The following JAZF1 variants were observed in gnomAD, a reference collection of about 807,000 sequenced individuals.
The protein encoded by JAZF1 is juxtaposed with another zinc finger protein 1.
JAZF1 carries 8 observed loss-of-function variants against 26.4 expected under a neutral mutation model. The ratio of observed to expected loss-of-function variants is 0.30; its 90% confidence interval spans 0.18 to 0.55. JAZF1 has a LOEUF of 0.55. Among genes scored for constraint, JAZF1 ranks in the 20% least tolerant of loss-of-function variants. The pLI is 0.94. For synonymous variants in JAZF1, 126 were observed against 122.3 expected, an observed-to-expected ratio of 1.03 and a Z score of -0.20; for missense variants, 199 against 322.0, an observed-to-expected ratio of 0.62 and a Z score of 2.92.
chr7:27,926,597 G>A (rs751426609), intron 2 of JAZF1, among the ~76,000 whole-genome samples: 1 of 152,160 alleles, frequency 6.6e-6, no homozygotes, highest in East Asian at 1.9e-4. Context: ...TGCCTTCAAC[G>A]TATGAACACA....
intron 3 of JAZF1, among the ~76,000 whole-genome samples, chr7:27,860,417 C>G (rs2128335976): frequency 6.6e-6 from 1 of 152,272 alleles, no homozygotes; most frequent in East Asian, 1.9e-4. Context: ...TGGGATGAAC[C>G]AAGCTCACAT....
At chr7:27,862,669 C>A (rs1000675699) in intron 3 of JAZF1, among the ~76,000 whole-genome samples, 1 of 152,186 alleles carries the variant, frequency 6.6e-6, no homozygotes, top group South Asian at 2.1e-4. Flanking sequence ...TAAGTTCCAG[C>A]TTTTTCTAGT....
At chr7:27,849,098 G>A (rs940740321) in intron 3 of JAZF1, among the ~76,000 whole-genome samples, 1 of 151,766 alleles carries the variant, frequency 6.6e-6, no homozygotes, top group African/African-American at 2.4e-5. Flanking sequence ...TTCAAAATTT[G>A]TGTTCCTTTG....
intron 1 of JAZF1, among the ~76,000 whole-genome samples, chr7:27,995,687 T>C (rs1332763237): frequency 6.6e-6 from 1 of 152,146 alleles, no homozygotes; most frequent in Non-Finnish European, 1.5e-5. Flanking sequence ...GTGTCTATCT[T>C]TATTTCAGGG....
At chr7:27,851,223 G>A (rs1207301154) in intron 3 of JAZF1, among the ~76,000 whole-genome samples, 18 of 152,190 alleles carry the variant, frequency 1.2e-4, no homozygotes, top group African/African-American at 3.6e-4. Flanking sequence ...GATTACAGGC[G>A]TGAGCCACCA....
intron 1 of JAZF1, among the ~76,000 whole-genome samples, chr7:28,132,636 AT>A (rs2127942387): frequency 6.6e-6 from 1 of 152,354 alleles, no homozygotes; most frequent in South Asian, 2.1e-4. Context: ...ATGACCCTTC[AT>A]CATTAGCATT....
chr7:27,880,645 A>C (rs1183937038), intron 3 of JAZF1, among the ~76,000 whole-genome samples: 1 of 151,926 alleles, frequency 6.6e-6, no homozygotes, highest in African/African-American at 2.4e-5. Context: ...GATGGTGGGG[A>C]AAGGTTAACT....
At chr7:27,894,755 T>C (rs1784030568) in intron 3 of JAZF1, among the ~76,000 whole-genome samples, 1 of 152,236 alleles carries the variant, frequency 6.6e-6, no homozygotes, top group South Asian at 2.1e-4. Flanking sequence ...TCCCCCTTCT[T>C]CTCAAGGTGT....
chr7:27,857,534 C>G (rs1170360036), intron 3 of JAZF1, among the ~76,000 whole-genome samples: 2 of 152,256 alleles, frequency 1.3e-5, no homozygotes, highest in African/African-American at 4.8e-5. Context: ...CGAGAGCGAG[C>G]TAGGGCTGCG....
At chr7:27,868,343 T>C (rs532047124) in intron 3 of JAZF1, among the ~76,000 whole-genome samples, 3 of 152,244 alleles carry the variant, frequency 2.0e-5, no homozygotes, top group Non-Finnish European at 2.9e-5. Context: ...TGCCTGCTCC[T>C]GCAGATGCCG....
intron 1 of JAZF1, among the ~76,000 whole-genome samples, chr7:28,061,590 A>G (rs1051430253): frequency 1.3e-5 from 2 of 152,216 alleles, no homozygotes; most frequent in African/African-American, 4.8e-5. Context: ...CATCAAGTGT[A>G]AAGGTGAGCA....
chr7:28,059,946 T>C (rs1783771969), intron 1 of JAZF1, among the ~76,000 whole-genome samples: 3 of 152,218 alleles, frequency 2.0e-5, no homozygotes, highest in Admixed American at 2.0e-4. Context: ...TTTAAACATT[T>C]AGTCGTGTTT....
At chr7:27,973,755 T>G (rs1449973555) in intron 2 of JAZF1, among the ~76,000 whole-genome samples, 2 of 152,236 alleles carry the variant, frequency 1.3e-5, no homozygotes, top group Non-Finnish European at 2.9e-5. Context: ...AGGAGTACGC[T>G]GCAAGCCAAG....
chr7:28,015,099 C>T (rs903876161), intron 1 of JAZF1, among the ~76,000 whole-genome samples: 9 of 151,378 alleles, frequency 5.9e-5, no homozygotes, highest in Non-Finnish European at 1.0e-4. Flanking sequence ...TACATTTTAA[C>T]AAGTCCCATG....
intron 1 of JAZF1, among the ~76,000 whole-genome samples, chr7:28,080,669 G>A (rs952770991): frequency 6.6e-6 from 1 of 152,288 alleles, no homozygotes; most frequent in Admixed American, 6.5e-5. Flanking sequence ...CAGGCTCAGG[G>A]AGAGGAAGAG....
intron 1 of JAZF1, among the ~76,000 whole-genome samples, chr7:28,065,373 AAC>A (rs754719851): frequency 7.9e-5 from 12 of 152,128 alleles, no homozygotes; most frequent in African/African-American, 1.2e-4. Context: ...GAATGGAAGA[AAC>A]ACAGTGAAAA....
chr7:28,177,546 GTAATA>G (rs1183427306), intron 1 of JAZF1, among the ~76,000 whole-genome samples: 4 of 152,092 alleles, frequency 2.6e-5, no homozygotes, highest in Non-Finnish European at 5.9e-5. Context: ...GTGGCTAAAG[GTAATA>G]ACCCAGATAG....
At chr7:27,836,073 T>A (rs1292530470) in intron 4 of JAZF1, among the ~76,000 whole-genome samples, 1 of 152,192 alleles carries the variant, frequency 6.6e-6, no homozygotes, top group Admixed American at 6.5e-5. Context: ...AGAACTGGAA[T>A]AGGAACCCAG....
intron 1 of JAZF1, among the ~76,000 whole-genome samples, chr7:28,119,334 C>T (rs1784800990): frequency 6.6e-6 from 1 of 152,132 alleles, no homozygotes; most frequent in Non-Finnish European, 1.5e-5. Flanking sequence ...ATACCCGCTG[C>T]CCCTCCCCTC....
Sources: allele counts gnomAD v4.1 joint callset (sites outside exome capture counted in the v4.1 genomes callset), GRCh38; gene constraint gnomAD v4.1.1; transcripts MANE v1.5; gene names NCBI Gene and HGNC (gene_info 2026-07-23, HGNC 2026-07-21).